The following PKHD1 variants were observed in gnomAD, a reference collection of about 807,000 sequenced individuals.
PKHD1 encodes PKHD1 ciliary IPT domain containing fibrocystin/polyductin.
Under a neutral mutation model 412.0 loss-of-function variants are expected in PKHD1, and 291 were observed. The observed-to-expected ratio is 0.71, with a 90% CI of 0.64 to 0.78. The LOEUF is 0.78. Ranked by LOEUF, PKHD1 falls within the 30% of genes least tolerant of loss-of-function variation. PKHD1 has a pLI of 0.00. For synonymous variants in PKHD1, 1,777 were observed against 1,821.5 expected, an observed-to-expected ratio of 0.98 and a Z score of 0.62; for missense variants, 4,825 against 4,950.7, an observed-to-expected ratio of 0.97 and a Z score of 0.76.
intron 63 of PKHD1, among the ~76,000 whole-genome samples, chr6:51,645,176 T>A (rs1243344367): frequency 1.3e-5 from 2 of 152,168 alleles, no homozygotes; most frequent in African/African-American, 4.8e-5. Flanking sequence ...ACTAACTGCA[T>A]TAAAAGCCAG....
chr6:52,028,091 A>T, intron 30 of PKHD1, 65 bp downstream of exon 30: 1 of 1,484,506 alleles, frequency 6.7e-7, no homozygotes, highest in Non-Finnish European at 9.4e-7. Context: ...ACTCAAAATT[A>T]GAATTACCTA....
Position 52,070,423 on chromosome 6 carries a change from T to G in PKHD1, c.690A>C (p.Ser230=). ...TTACTTACTTTCCTTTGTTAAATAC[T>G]GAGAAGCTAACATTCTGGGAGCCTG... ...DYIGSQNVSF[S]VFNKGKSMVH... Residue 230 remains serine (S), a synonymous_variant, in exon 10 of 67, where the codon TCA becomes TCC. Coordinates refer to ENST00000371117, the MANE Select transcript of PKHD1 (RefSeq NM_138694.4). 2 of 1,609,692 alleles carry G rather than the reference T, an allele frequency of 1.2e-6. No homozygotes were observed. Among genetic ancestry groups the G allele is most frequent in the Non-Finnish European group, 1.7e-6 (2 of 1,176,112 alleles).
chr6:51,976,256 G>C (rs1454826188), intron 35 of PKHD1, among the ~76,000 whole-genome samples: 1 of 152,176 alleles, frequency 6.6e-6, no homozygotes. Flanking sequence ...CATTGACAGA[G>C]GAGTGGACAC....
intron 60 of PKHD1, among the ~76,000 whole-genome samples, chr6:51,693,378 G>T (rs580427): frequency 0.97 from 147,867 of 152,350 alleles, 71,917 homozygotes; most frequent in East Asian, 1. Flanking sequence ...GCTTATGTAT[G>T]CCTTATTATA....
Position 51,659,604 on chromosome 6 carries a change from C to T in PKHD1, c.10522G>A (p.Val3508Ile), listed in dbSNP as rs752984925. 33 of 1,613,558 alleles carry T rather than the reference C, an allele frequency of 2.0e-5. No individual in the cohort carries two copies. The highest frequency in any genetic ancestry group is 5.3e-5 in the African/African-American group (4 of 74,856). ...GGAATAAAACTTTCCCCTAAGAAGA[C>T]GTGGGGGCTCTGGAGCTCATGGTAG... ...VFYHELQSPH[V>I]FLGESFIPPT... The change falls in exon 61 of 67, where the codon GTC (valine) becomes ATC (isoleucine). Residue 3508 changes from valine to isoleucine, a missense_variant. By Grantham distance (29) the Val-to-Ile change is conservative. Transcript: ENST00000371117.
chr6:51,683,690 G>A (rs1219734483), intron 60 of PKHD1, among the ~76,000 whole-genome samples: 1 of 152,008 alleles, frequency 6.6e-6, no homozygotes, highest in African/African-American at 2.4e-5. Flanking sequence ...TCCGGGGGCA[G>A]TGTGAGTAAT....
chr6:51,816,717 T>C (rs1765515006), intron 52 of PKHD1, among the ~76,000 whole-genome samples: 1 of 152,248 alleles, frequency 6.6e-6, no homozygotes, highest in South Asian at 2.1e-4. Context: ...GTAACCAATC[T>C]GGCCATTTCT....
At chr6:51,857,913 T>A (rs1292116728) in intron 48 of PKHD1, among the ~76,000 whole-genome samples, 2 of 152,224 alleles carry the variant, frequency 1.3e-5, no homozygotes, top group African/African-American at 4.8e-5. Flanking sequence ...ACTATTCTTT[T>A]TTCAGATTTC....
At chr6:51,636,318 G>A (rs1213207454) in intron 64 of PKHD1, among the ~76,000 whole-genome samples, 1 of 152,054 alleles carries the variant, frequency 6.6e-6, no homozygotes, top group South Asian at 2.1e-4. Context: ...TATAATGCCA[G>A]CATGAGCCCA....
intron 35 of PKHD1, among the ~76,000 whole-genome samples, chr6:51,990,059 C>T: frequency 8.0e-6 from 1 of 125,130 alleles, no homozygotes; most frequent in Non-Finnish European, 1.7e-5. Context: ...TATTTCCTCC[C>T]TTTTGAGCTA....
chr6:51,796,482 A>T, intron 52 of PKHD1, among the ~76,000 whole-genome samples: 1 of 146,878 alleles, frequency 6.8e-6, no homozygotes, highest in Non-Finnish European at 1.5e-5. Flanking sequence ...AAGGCTTTTC[A>T]TGTCTCTATG....
chr6:51,651,183 C>T (rs2150375713), intron 61 of PKHD1, among the ~76,000 whole-genome samples: 1 of 152,286 alleles, frequency 6.6e-6, no homozygotes, highest in Admixed American at 6.5e-5. Context: ...GCAAACATCT[C>T]TTGTTAAATG....
At chr6:52,075,474 C>G (rs62406056) in intron 6 of PKHD1, among the ~76,000 whole-genome samples, 134 of 152,306 alleles carry the variant, frequency 8.8e-4, no homozygotes, top group Non-Finnish European at 1.6e-3. Context: ...AGGAATCAGA[C>G]AGCAAATTAT....
intron 33 of PKHD1, 45 bp downstream of exon 33, chr6:52,022,755 TC>T (rs1722381002): frequency 3.8e-6 from 6 of 1,581,284 alleles, no homozygotes; most frequent in Middle Eastern, 3.3e-4. Context: ...GAATATCATT[TC>T]CATATATATG....
intron 5 of PKHD1, among the ~76,000 whole-genome samples, chr6:52,077,023 T>C (rs920292290): frequency 6.6e-6 from 1 of 152,176 alleles, no homozygotes; most frequent in Admixed American, 6.5e-5. Context: ...CAAATCATCT[T>C]ACAATGCCCC....
rs1351238382 is a variant in PKHD1, at chr6:52,045,990, G to A, written c.2592+14C>T. The A allele has an allele frequency of 1.3e-6, 2 of 1,591,784 alleles. No homozygotes were observed. The highest frequency in any genetic ancestry group is 2.7e-5 in the African/African-American group (2 of 74,420). On this transcript the variant is annotated intron_variant, in intron 24 of 66. Transcript: ENST00000371117. ...GCAGCAAATCCATGCCACTAGAAGG[G>A]ATACTATACATACCCTGATAAAATT...
At chr6:51,826,344 T>C (rs539690794) in intron 52 of PKHD1, among the ~76,000 whole-genome samples, 1 of 152,268 alleles carries the variant, frequency 6.6e-6, no homozygotes, top group East Asian at 1.9e-4. Flanking sequence ...CAAAGTAATA[T>C]ACAAAATGTA....
At chr6:51,922,787 A>G (rs1029070541) in intron 37 of PKHD1, among the ~76,000 whole-genome samples, 2 of 152,032 alleles carry the variant, frequency 1.3e-5, no homozygotes, top group Non-Finnish European at 2.9e-5. Flanking sequence ...ATTTTCTAAG[A>G]CCATTGGAAA....
chr6:51,820,470 T>G (rs1766210430), intron 52 of PKHD1, among the ~76,000 whole-genome samples: 1 of 152,172 alleles, frequency 6.6e-6, no homozygotes, highest in African/African-American at 2.4e-5. Flanking sequence ...ACGATACCTA[T>G]TAGAACCAGT....
Sources: allele counts gnomAD v4.1 joint callset (sites outside exome capture counted in the v4.1 genomes callset), GRCh38; gene constraint gnomAD v4.1.1; transcripts MANE v1.5; gene names NCBI Gene and HGNC (gene_info 2026-07-23, HGNC 2026-07-21).